The following CNGA1 variants were observed in gnomAD, a reference collection of about 807,000 sequenced individuals.
CNGA1 encodes cyclic nucleotide gated channel subunit alpha 1.
A neutral mutation model predicts 69.7 loss-of-function variants in CNGA1; 53 were observed. That is an observed-to-expected ratio of 0.76 (90% CI 0.61 to 0.96). The LOEUF is 0.96. CNGA1 is among the 40% of genes least tolerant of loss of function. The pLI is 0.00. For missense variants in CNGA1, 739 were observed against 811.2 expected, an observed-to-expected ratio of 0.91 and a Z score of 1.08; for synonymous variants, 249 against 283.5, an observed-to-expected ratio of 0.88 and a Z score of 1.22.
chr4:47,939,229 T>TAGTC (rs1451515017), intron 10 of CNGA1, among the ~76,000 whole-genome samples: 2 of 152,184 alleles, frequency 1.3e-5, no homozygotes, highest in Non-Finnish European at 2.9e-5. Context: ...ACTGAGTTAA[T>TAGTC]AGTCCATCAT....
At chr4:47,968,144 A>G (rs576712565) in intron 3 of CNGA1, among the ~76,000 whole-genome samples, 36 of 152,334 alleles carry the variant, frequency 2.4e-4, no homozygotes, top group African/African-American at 8.4e-4. Context: ...ACAAGCCAAG[A>G]GTACTAAAAT....
intron 3 of CNGA1, among the ~76,000 whole-genome samples, chr4:47,955,183 T>C (rs3889547): frequency 7.4e-4 from 24 of 32,286 alleles, no homozygotes; most frequent in Admixed American, 2.6e-3. Flanking sequence ...CTTTTTTTTT[T>C]TTTTTTTTTT....
At chr4:47,997,487 G>T (rs1714432698) in intron 2 of CNGA1, among the ~76,000 whole-genome samples, 1 of 152,044 alleles carries the variant, frequency 6.6e-6, no homozygotes, top group East Asian at 1.9e-4. Context: ...AAAGACAACT[G>T]GATTTAATTA....
chr4:48,007,794 C>A (rs994992544), intron 2 of CNGA1, among the ~76,000 whole-genome samples: 2 of 152,096 alleles, frequency 1.3e-5, no homozygotes, highest in Admixed American at 1.3e-4. Flanking sequence ...AAAGAAAAAC[C>A]CTTCTGCAGT....
Position 47,965,588 on chromosome 4 carries a change from G to A in CNGA1, c.-14-12885C>T, listed in dbSNP as rs552648102. Among the ~76,000 whole-genome samples, 45 of 151,898 alleles carry A rather than the reference G, an allele frequency of 3.0e-4. 1 individual carries two copies. In the South Asian group the frequency reaches 6.7e-3, roughly 22 times the overall value. ...ATTACAGGTGCCCACCACCAGGCCC[G>A]GCTAATTTTTGTATTTTTAGTAGAG... On this transcript the variant is annotated intron_variant, in intron 3 of 10. Transcript: ENST00000514170.
chr4:47,936,283 A>G lies in CNGA1; in HGVS notation c.*138T>C. ...CTCTCAGAGAGGGTGTGGGCCTTGT[A>G]CCTTGCACCAAAGCACATTTTCCTC... is the stretch of plus-strand genomic sequence containing the variant. On this transcript the variant is annotated 3_prime_UTR_variant, in exon 11 of 11. Coordinates refer to ENST00000514170, the MANE Select transcript of CNGA1 (RefSeq NM_001379270.1). 1 of 857,578 alleles carries G rather than the reference A, an allele frequency of 1.2e-6. No individual in the cohort carries two copies. The highest frequency in any genetic ancestry group is 1.9e-6 in the Non-Finnish European group (1 of 524,554). The allele number at this position is 857,578 out of a possible 1,614,324, so 53.1% of individuals were successfully genotyped here. A position where few individuals can be genotyped will look rare whatever the true frequency, so the allele number is the denominator to read the frequency against.
intron 2 of CNGA1, among the ~76,000 whole-genome samples, chr4:48,007,826 G>A (rs1714988283): frequency 6.6e-6 from 1 of 152,204 alleles, no homozygotes; most frequent in South Asian, 2.1e-4. Flanking sequence ...TATGTTGGAA[G>A]AAAACATTTC....
intron 3 of CNGA1, among the ~76,000 whole-genome samples, chr4:47,973,254 A>T (rs1274629641): frequency 6.6e-6 from 1 of 151,904 alleles, no homozygotes; most frequent in Non-Finnish European, 1.5e-5. Flanking sequence ...TTTTGTAGAG[A>T]TGGGGTGTGG....
chr4:47,940,983 G>A (rs1739039858), intron 9 of CNGA1, 114 bp from the exon 10 acceptor site: 1 of 701,886 alleles, frequency 1.4e-6, no homozygotes, highest in Admixed American at 2.6e-5. Context: ...ACTCAGGCTA[G>A]GAGAGGTCCT....
intron 3 of CNGA1, among the ~76,000 whole-genome samples, chr4:47,961,712 A>C (rs756715896): frequency 2.0e-5 from 3 of 152,104 alleles, no homozygotes; most frequent in Non-Finnish European, 2.9e-5. Context: ...TGGGTGACAG[A>C]GCAAGATTGT....
chr4:47,939,465 A>G (rs569050581), intron 10 of CNGA1, among the ~76,000 whole-genome samples: 1 of 152,316 alleles, frequency 6.6e-6, no homozygotes, highest in African/African-American at 2.4e-5. Context: ...CGCAGTAAAC[A>G]TAAGTGTTTT....
intron 2 of CNGA1, among the ~76,000 whole-genome samples, chr4:48,009,528 C>T (rs976477782): frequency 1.3e-5 from 2 of 149,828 alleles, no homozygotes; most frequent in African/African-American, 2.5e-5. Flanking sequence ...TGGACAGCCA[C>T]GCACAGTGGC....
chr4:47,979,253 G>A (rs569059753), intron 3 of CNGA1, among the ~76,000 whole-genome samples: 3 of 151,278 alleles, frequency 2.0e-5, no homozygotes, highest in East Asian at 1.9e-4. Context: ...CCCAAGAGGC[G>A]GAGGTTGCAG....
chr4:47,993,478 G>T (rs1262079283), intron 2 of CNGA1, among the ~76,000 whole-genome samples: 2 of 152,036 alleles, frequency 1.3e-5, no homozygotes, highest in East Asian at 1.9e-4. Flanking sequence ...GTGTGTAAAG[G>T]CGTTCATAGT....
Position 47,943,262 on chromosome 4 carries a change from T to C in CNGA1, c.356A>G (p.Lys119Arg), listed in dbSNP as rs755705235. 1.9e-6 allele frequency: 3 copies of C among 1,562,898 alleles called. No homozygotes were observed. In the South Asian group the frequency reaches 3.6e-5, roughly 19 times the overall value. ...KSKSDDKNEN[K>R]NDPEKKKKKK... is the part of the protein sequence containing the mutation. ...CTTCTTTTTCTTCTCTGGGTCGTTT[T>C]TATTTTCGTTTTTATCATCTGACTT... Residue 119 changes from lysine (K) to arginine (R), a missense_variant, in exon 8 of 11, where the codon AAA becomes AGA. By Grantham distance (26) the Lys-to-Arg change is conservative (BLOSUM62 2). Transcript: ENST00000514170.
intron 3 of CNGA1, among the ~76,000 whole-genome samples, chr4:47,961,254 A>T (rs1740418425): frequency 6.6e-6 from 1 of 152,212 alleles, no homozygotes. Flanking sequence ...ATTCAAGGTG[A>T]AACATTAAAG....
intron 2 of CNGA1, 100 bp from the exon 3 acceptor site, chr4:47,981,600 C>T (rs757501658): frequency 2.3e-4 from 35 of 152,064 alleles, no homozygotes; most frequent in African/African-American, 8.2e-4. Context: ...ATAAACAGTT[C>T]GTCGCATTGT....
intron 2 of CNGA1, among the ~76,000 whole-genome samples, chr4:47,994,816 C>T (rs1215596645): frequency 1.3e-5 from 2 of 151,910 alleles, no homozygotes; most frequent in African/African-American, 4.8e-5. Flanking sequence ...TGATGTGTTC[C>T]CAGGATTTGT....
At chr4:47,988,649 ATAT>A (rs1383532688) in intron 2 of CNGA1, among the ~76,000 whole-genome samples, 1 of 152,164 alleles carries the variant, frequency 6.6e-6, no homozygotes, top group Non-Finnish European at 1.5e-5. Context: ...ATTTAGTATA[ATAT>A]TGTAATTTAG....
Sources: allele counts gnomAD v4.1 joint callset (sites outside exome capture counted in the v4.1 genomes callset), GRCh38; gene constraint gnomAD v4.1.1; transcripts MANE v1.5; gene names NCBI Gene and HGNC (gene_info 2026-07-23, HGNC 2026-07-21).